Variants in TRPA1 observed in about 807,000 individuals in gnomAD.
The protein encoded by TRPA1 is ankyrin-like with transmembrane domains 1.
TRPA1 carries 129 observed loss-of-function variants against 131.3 expected under a neutral mutation model. The ratio of observed to expected loss-of-function variants is 0.98; its 90% CI spans 0.85 to 1.14. TRPA1 has a LOEUF of 1.14. Among genes scored for constraint, TRPA1 ranks in the 50% most tolerant of loss-of-function variants. The probability of loss-of-function intolerance (pLI) is 0.00; values close to 1 mark genes in which losing one functional copy is unlikely to be tolerated. For synonymous variants in TRPA1, 441 were observed against 451.7 expected, an observed-to-expected ratio of 0.98 and a Z score of 0.30; for missense variants, 1,304 against 1,354.2, an observed-to-expected ratio of 0.96 and a Z score of 0.58.
rs541159560 is a variant in TRPA1, at chr8:72,041,901, GA to G, written c.2062-2105del. ...TGTAATAGAGAATAGAAAAACAATA[GA>G]AAAAAATCAATGAAACCAAGAATTG... On this transcript the variant is annotated intron_variant, in intron 17 of 26. Coordinates refer to ENST00000262209, the MANE Select transcript of TRPA1 (RefSeq NM_007332.3). Among the ~76,000 whole-genome samples, 41 of 151,420 alleles carry G rather than the reference GA, an allele frequency of 2.7e-4. No homozygotes were observed. The South Asian group carries it at 7.3e-3, about 27-fold the overall frequency.
chr8:72,074,056 C>T (rs932055366), intron 1 of TRPA1, among the ~76,000 whole-genome samples: 1 of 152,094 alleles, frequency 6.6e-6, no homozygotes, highest in Non-Finnish European at 1.5e-5. Context: ...CAATTTCTAC[C>T]AAAATTAAAG....
intron 23 of TRPA1, among the ~76,000 whole-genome samples, chr8:72,032,248 A>C (rs1403588145): frequency 6.6e-6 from 1 of 152,366 alleles, no homozygotes; most frequent in Non-Finnish European, 1.5e-5. Flanking sequence ...TGATGTGTTC[A>C]GTTTTTCATT....
intron 17 of TRPA1, among the ~76,000 whole-genome samples, chr8:72,046,286 T>C (rs911725052): frequency 2.0e-5 from 3 of 152,028 alleles, no homozygotes; most frequent in African/African-American, 7.2e-5. Flanking sequence ...ACTATAAAAC[T>C]GTAATTCTCT....
chr8:72,031,030 T>G (rs972933790), intron 23 of TRPA1, among the ~76,000 whole-genome samples: 2 of 152,236 alleles, frequency 1.3e-5, no homozygotes, highest in South Asian at 4.1e-4. Flanking sequence ...CAGTAAGCTC[T>G]ATGAGACAAG....
At chr8:72,034,119 A>AT (rs1811942753) in intron 22 of TRPA1, 129 bp downstream of exon 22, 3 of 1,081,494 alleles carry the variant, frequency 2.8e-6, no homozygotes, top group Admixed American at 2.6e-5. Flanking sequence ...GATATAGGAG[A>AT]TAAAAACTAA....
chr8:72,028,679 T>C (rs180957241), intron 24 of TRPA1, among the ~76,000 whole-genome samples: 1 of 152,356 alleles, frequency 6.6e-6, no homozygotes, highest in African/African-American at 2.4e-5. Context: ...ATTCTATGAA[T>C]ACCTAGCTGG....
chr8:72,027,272 C>A (rs1016920259), intron 24 of TRPA1, among the ~76,000 whole-genome samples: 2 of 152,058 alleles, frequency 1.3e-5, no homozygotes, highest in African/African-American at 4.8e-5. Flanking sequence ...CTACATAGGT[C>A]CCTCAAAGAT....
At chr8:72,052,957 A>G in intron 13 of TRPA1, 192 bp from the exon 14 acceptor site, 1 of 367,342 alleles carries the variant, frequency 2.7e-6, no homozygotes, top group South Asian at 2.1e-5. Flanking sequence ...CATGTGTGGG[A>G]AGTGGATCTG....
chr8:72,063,427 A>G (rs1585884220), intron 5 of TRPA1, 36 bp downstream of exon 5: 2 of 1,425,834 alleles, frequency 1.4e-6, no homozygotes, highest in African/African-American at 1.4e-5. Context: ...AAATAGACTT[A>G]TTTATAGTAT....
chr8:72,068,977 AC>A, intron 3 of TRPA1, 45 bp downstream of exon 3: 9 of 1,608,610 alleles, frequency 5.6e-6, no homozygotes, highest in Non-Finnish European at 6.8e-6. Context: ...GGGTCCCAGC[AC>A]CTGCACCGCC....
At chr8:72,070,515 T>C (rs1467732873) in intron 2 of TRPA1, among the ~76,000 whole-genome samples, 1 of 152,192 alleles carries the variant, frequency 6.6e-6, no homozygotes, top group Non-Finnish European at 1.5e-5. Flanking sequence ...TCAGAAATCA[T>C]TTTTATTTTT....
At chr8:72,063,695 A>G (rs1805864120) in intron 4 of TRPA1, 124 bp from the exon 5 acceptor site, 2 of 681,660 alleles carry the variant, frequency 2.9e-6, no homozygotes, top group African/African-American at 1.8e-5. Flanking sequence ...GTACATAGAG[A>G]GCTTCATATG....
At chr8:72,052,994 T>TGTGTGTGTGTGTGTGTGTGAGAGAGA (rs1491537785) in intron 13 of TRPA1, 3 of 330,286 alleles carry the variant, frequency 9.1e-6, no homozygotes, top group Non-Finnish European at 1.1e-5. Flanking sequence ...TGTGTGTGTG[T>TGTGTGTGTGTGTGTGTGTGAGAGAGA]GAGAGATAGA....
rs747701169 is a variant in TRPA1 at position 72,050,779 on chromosome 8, T to G, written c.1904A>C (p.Lys635Thr). ...AGAATTTTGTTTTAGAGAATTTACC[T>G]TCATGCATTCAGGGAGGTATTCTAT... is the stretch of plus-strand genomic sequence containing the variant. The part of the protein sequence containing the change: ...EMIEYLPECM[K>T]VLLDFCMLHS... Residue 635 changes from lysine to threonine, a missense_variant and splice_region_variant, in exon 15 of 27, where the codon AAG becomes ACG. Transcript: ENST00000262209. 6.2e-7 allele frequency: 1 copy of G among 1,603,162 alleles called. No individual in the cohort carries two copies.
Position 72,039,771 on chromosome 8 carries a change from C to G in TRPA1, c.2088G>C (p.Glu696Asp). The change falls in exon 18 of 27, where the codon GAG becomes GAC. Residue 696 changes from glutamate to aspartate, a missense_variant. Coordinates refer to ENST00000262209, the MANE Select transcript of TRPA1 (RefSeq NM_007332.3). ...LNAMVQNNRI[E>D]LLNHPVCKEY... ...CTTTACACACAGGATGATTGAGAAG[C>G]TCTATGCGGTTATTTTGTACCATTG... 1 of 1,610,086 alleles carries G rather than the reference C, an allele frequency of 6.2e-7. No individual in the cohort carries two copies. The highest frequency in any genetic ancestry group is 1.1e-5 in the South Asian group (1 of 91,010).
In TRPA1 at chr8:72,055,121, G is replaced by A. The variant is rs150983817; in HGVS notation, c.1529+315C>T. The A allele has an allele frequency of 4.1e-4, 138 of 335,994 alleles. No homozygotes were observed. The East Asian group carries it at 5.6e-3, about 14-fold the overall frequency. 20.8% of individuals were successfully genotyped at this position (335,994 alleles called of 1,614,324 possible). ...ATATAGGAATATGGCAGCATGATGAGGTAAAATATGAGAAACTATGTTTCA... is the reference window on the plus strand; with the variant it reads ...ATATAGGAATATGGCAGCATGATGAAGTAAAATATGAGAAACTATGTTTCA... On this transcript the variant is annotated intron_variant, in intron 12 of 26. Transcript: ENST00000262209.
chr8:72,044,179 G>A (rs1462266293), intron 17 of TRPA1, among the ~76,000 whole-genome samples: 18 of 149,334 alleles, frequency 1.2e-4, no homozygotes, highest in African/African-American at 3.9e-4. Flanking sequence ...AGTGGAGCCC[G>A]AAAAGCTATA....
chr8:72,035,050 T>C lies in TRPA1; in HGVS notation c.2556-673A>G, dbSNP rs561765576. On this transcript the variant is annotated intron_variant, in intron 21 of 26. Transcript: ENST00000262209. ...TAATGCAGGGCACACACTACATGAT[T>C]TGCATTTTATCCTCACCATCTCCTT... Among the ~76,000 whole-genome samples, 27 of 152,276 alleles carry C rather than the reference T, an allele frequency of 1.8e-4. No homozygotes were observed. In the Middle Eastern group the frequency reaches 0.01, roughly 58 times the overall value.
At chr8:72,079,091 C>T (rs367832135), upstream of TRPA1, among the ~76,000 whole-genome samples, 20 of 151,756 alleles carry the variant, frequency 1.3e-4, no homozygotes, top group South Asian at 2.1e-4. Context: ...TTTTAAATTG[C>T]GTTGTCTTCT....
Sources: gnomAD v4.1 joint callset for allele counts (sites outside exome capture counted in the v4.1 genomes callset) on GRCh38, gnomAD v4.1.1 for gene constraint, MANE v1.5 for transcripts, NCBI Gene and HGNC (gene_info 2026-07-23, HGNC 2026-07-21) for gene names.